EYS: variants seen among roughly 807,000 people sequenced by gnomAD.
The protein encoded by EYS is protein eyes shut homolog.
A neutral mutation model predicts 282.1 loss-of-function variants in EYS; 250 were observed. The observed-to-expected ratio is 0.89, with a 90% confidence interval of 0.80 to 0.98. The LOEUF (loss-of-function observed/expected upper bound fraction) is 0.98, where lower values mean the gene tolerates loss of function less well. Ranked by LOEUF, EYS falls within the 50% of genes least tolerant of loss-of-function variation. The pLI is 0.00. For synonymous variants in EYS, 1,355 were observed against 1,282.9 expected (o/e 1.06, Z -1.20); for missense variants, 4,016 against 3,709.0 (o/e 1.08, Z -2.15).
At chr6:63,882,359 C>T (rs1773153967) in intron 35 of EYS, among the ~76,000 whole-genome samples, 1 of 152,188 alleles carries the variant, frequency 6.6e-6, no homozygotes, top group Non-Finnish European at 1.5e-5. Context: ...AAAACTGTCA[C>T]ATCGCATTTG....
chr6:65,207,210 C>T (rs1376443278), intron 12 of EYS, among the ~76,000 whole-genome samples: 1 of 151,646 alleles, frequency 6.6e-6, no homozygotes, highest in East Asian at 1.9e-4. Flanking sequence ...AAGTCAGTAG[C>T]ATTTCCATAC....
intron 22 of EYS, among the ~76,000 whole-genome samples, chr6:64,640,452 A>G (rs1236865489): frequency 6.6e-6 from 1 of 152,106 alleles, no homozygotes; most frequent in Non-Finnish European, 1.5e-5. Context: ...TATCATTCTC[A>G]GTAAACTATC....
chr6:65,332,310 C>T, intron 11 of EYS: 2 of 712,920 alleles, frequency 2.8e-6, no homozygotes, highest in Non-Finnish European at 2.6e-6. Flanking sequence ...TGATTTTAAG[C>T]CACTAAATCA....
intron 33 of EYS, among the ~76,000 whole-genome samples, chr6:64,046,683 G>C (rs190785467): frequency 6.6e-6 from 1 of 152,152 alleles, no homozygotes; most frequent in Admixed American, 6.5e-5. Context: ...CAACTGAATT[G>C]TAAGTGCTGC....
At chr6:65,593,407 C>T (rs79580250) in intron 2 of EYS, among the ~76,000 whole-genome samples, 264 of 152,172 alleles carry the variant, frequency 1.7e-3, no homozygotes, top group Middle Eastern at 6.8e-3. Context: ...GAAACTGGTG[C>T]AAGCTAAGAG....
intron 12 of EYS, among the ~76,000 whole-genome samples, chr6:65,154,930 T>C (rs990470882): frequency 6.6e-6 from 1 of 151,634 alleles, no homozygotes; most frequent in African/African-American, 2.4e-5. Flanking sequence ...TATTAGTTTT[T>C]TATATTATTT....
chr6:65,592,382 C>T (rs1765261460), intron 2 of EYS, among the ~76,000 whole-genome samples: 2 of 151,922 alleles, frequency 1.3e-5, no homozygotes, highest in Admixed American at 6.6e-5. Flanking sequence ...TAATATTTAA[C>T]ATCTGGTAAC....
At chr6:64,634,590 A>G (rs951730697) in intron 22 of EYS, among the ~76,000 whole-genome samples, 1 of 151,652 alleles carries the variant, frequency 6.6e-6, no homozygotes, top group Admixed American at 6.6e-5. Flanking sequence ...AGTACAAAAT[A>G]TTGAAGTGTG....
intron 10 of EYS, among the ~76,000 whole-genome samples, chr6:65,335,799 G>C (rs1479356708): frequency 6.6e-6 from 1 of 151,526 alleles, no homozygotes; most frequent in African/African-American, 2.4e-5. Context: ...GAGCACCCTG[G>C]GTCCACATCA....
intron 29 of EYS, among the ~76,000 whole-genome samples, chr6:64,318,520 T>C (rs558160301): frequency 1.3e-5 from 2 of 152,166 alleles, no homozygotes; most frequent in Middle Eastern, 3.4e-3. Context: ...TTTAAAATCA[T>C]GTATCTAATC....
At chr6:64,919,419 CTTTTTTT>C (rs370375636) in intron 15 of EYS, among the ~76,000 whole-genome samples, 3 of 135,512 alleles carry the variant, frequency 2.2e-5, no homozygotes, top group African/African-American at 2.7e-5. Context: ...TTCTTTTTTT[CTTTTTTT>C]TTTTTTTGTG....
rs887372939 is a variant in EYS at position 65,686,469 on chromosome 6, C to T, written c.-448+20666G>A. ...AAGGAGGCCTATGTAGTGGAGTCGACGCGATTATGTGGTTATGCACGTGTA... is the reference window on the plus strand; with the variant it reads ...AAGGAGGCCTATGTAGTGGAGTCGATGCGATTATGTGGTTATGCACGTGTA... On this transcript the variant is annotated intron_variant, in intron 1 of 42. Transcript: ENST00000503581. 3.3e-5 allele frequency among the ~76,000 whole-genome samples: 5 copies of T among 152,138 alleles called. No individual in the cohort carries two copies. The South Asian group carries it at 1.0e-3, about 32-fold the overall frequency.
intron 2 of EYS, among the ~76,000 whole-genome samples, chr6:65,532,173 G>C (rs1021469102): frequency 1.3e-5 from 2 of 151,888 alleles, no homozygotes; most frequent in African/African-American, 4.8e-5. Context: ...TCAACTACCT[G>C]CTAAATTATA....
chr6:64,101,399 A>G (rs1259302960), intron 31 of EYS, among the ~76,000 whole-genome samples: 1 of 152,202 alleles, frequency 6.6e-6, no homozygotes, highest in Admixed American at 6.5e-5. Flanking sequence ...AAAAAGCCTA[A>G]TAACTTATAG....
At chr6:64,115,148 C>A (rs1311514124) in intron 31 of EYS, among the ~76,000 whole-genome samples, 2 of 152,192 alleles carry the variant, frequency 1.3e-5, no homozygotes, top group African/African-American at 4.8e-5. Context: ...ATCTATGGCC[C>A]AGACCCAGGA....
chr6:65,517,801 A>G (rs77427601), intron 2 of EYS, among the ~76,000 whole-genome samples: 8,145 of 152,064 alleles, frequency 0.054, 648 homozygotes, highest in African/African-American at 0.17. Context: ...GTTAATCATT[A>G]AAGGGAATAA....
intron 12 of EYS, among the ~76,000 whole-genome samples, chr6:65,172,410 G>C (rs574409582): frequency 6.6e-6 from 1 of 151,430 alleles, no homozygotes; most frequent in South Asian, 2.1e-4. Context: ...TAAGAATGCT[G>C]ACAAATAGCA....
chr6:63,872,310 T>C (rs185123219), intron 35 of EYS, among the ~76,000 whole-genome samples: 1 of 151,526 alleles, frequency 6.6e-6, no homozygotes, highest in Non-Finnish European at 1.5e-5. Context: ...GCATACCAGG[T>C]GGTGTGTGTG....
At chr6:64,812,316 A>G (rs1352113324) in intron 22 of EYS, among the ~76,000 whole-genome samples, 1 of 151,794 alleles carries the variant, frequency 6.6e-6, no homozygotes, top group East Asian at 1.9e-4. Context: ...CAAAAATGGC[A>G]TGTTAGGCAA....
Sources: gnomAD v4.1 joint callset for allele counts (sites outside exome capture counted in the v4.1 genomes callset) on GRCh38, gnomAD v4.1.1 for gene constraint, MANE v1.5 for transcripts, NCBI Gene and HGNC (gene_info 2026-07-23, HGNC 2026-07-21) for gene names.